Variants in SAMD5 observed in about 807,000 individuals in gnomAD.
SAMD5 encodes the protein sterile alpha motif domain containing 5.
SAMD5 carries 13 observed loss-of-function variants against 11.3 expected under a neutral mutation model. The ratio of observed to expected loss-of-function variants is 1.15; its 90% CI spans 0.75 to 1.83. The LOEUF (loss-of-function observed/expected upper bound fraction) is 1.83. Among genes scored for constraint, SAMD5 ranks in the 40% most tolerant of loss-of-function variants. SAMD5 has a pLI of 0.00. For missense variants in SAMD5, 255 were observed against 239.1 expected (o/e 1.07, Z -0.44); for synonymous variants, 129 against 111.3 (o/e 1.16, Z -1.00).
At chr6:147,709,889 C>T (rs765623781) in intron 1 of SAMD5, among the ~76,000 whole-genome samples, 8 of 152,186 alleles carry the variant, frequency 5.3e-5, no homozygotes, top group Non-Finnish European at 8.8e-5. Flanking sequence ...ACCTCCTCCA[C>T]CATACTTCTA....
the SAMD5 span, among the ~76,000 whole-genome samples, chr6:147,848,843 G>A: frequency 3.1e-3 from 466 of 152,220 alleles, 3 homozygotes; most frequent in African/African-American, 0.01. Flanking sequence ...TAGCCATTTC[G>A]TTTTCATCTA....
chr6:147,680,911 A>G (rs1608532), intron 1 of SAMD5, among the ~76,000 whole-genome samples: 17,454 of 152,090 alleles, frequency 0.11, 1,088 homozygotes, highest in African/African-American at 0.16. Context: ...GTTTCGTTAC[A>G]TAGTTTTGCA....
chr6:147,763,860 G>A, the SAMD5 span, among the ~76,000 whole-genome samples: 1 of 152,202 alleles, frequency 6.6e-6, no homozygotes, highest in Non-Finnish European at 1.5e-5. Flanking sequence ...GGGATTACAG[G>A]CATGAGCCAC....
chr6:147,756,073 C>T, the SAMD5 span, among the ~76,000 whole-genome samples: 1 of 151,784 alleles, frequency 6.6e-6, no homozygotes, highest in Non-Finnish European at 1.5e-5. Context: ...GAATCAAAAA[C>T]CATTTGTAGG....
At chr6:147,663,812 AG>A (rs1195647351) in intron 1 of SAMD5, among the ~76,000 whole-genome samples, 3,081 of 121,404 alleles carry the variant, frequency 0.025, 58 homozygotes, top group Non-Finnish European at 0.042. Context: ...AAAAAAAAAA[AG>A]AGAGAGAAAG....
chr6:147,862,172 A>T, the SAMD5 span, among the ~76,000 whole-genome samples: 1 of 151,958 alleles, frequency 6.6e-6, no homozygotes, highest in Non-Finnish European at 1.5e-5. Flanking sequence ...TTTTAAATAG[A>T]TAATTATTTT....
At chr6:147,648,316 A>C (rs553359195) in intron 1 of SAMD5, among the ~76,000 whole-genome samples, 1 of 151,992 alleles carries the variant, frequency 6.6e-6, no homozygotes, top group South Asian at 2.1e-4. Flanking sequence ...CCAAACACTT[A>C]AAAAACCATC....
chr6:147,533,462 C>CAA (rs57455955), intron 1 of SAMD5, among the ~76,000 whole-genome samples: 105 of 89,446 alleles, frequency 1.2e-3, no homozygotes, highest in Middle Eastern at 6.7e-3. Context: ...AATTCCATCT[C>CAA]AAAAAAAAAA....
chr6:147,899,354 G>T, the SAMD5 span, among the ~76,000 whole-genome samples: 40 of 152,152 alleles, frequency 2.6e-4, no homozygotes, highest in Admixed American at 2.4e-3. Context: ...CTGGAGAGAA[G>T]ATAATTGTCA....
the SAMD5 span, among the ~76,000 whole-genome samples, chr6:147,747,962 C>A: frequency 2.0e-5 from 3 of 152,132 alleles, no homozygotes; most frequent in African/African-American, 7.2e-5. Flanking sequence ...ATATCTCTCC[C>A]TACATGTTGG....
At chr6:147,923,248 C>A in the SAMD5 span, among the ~76,000 whole-genome samples, 2 of 152,142 alleles carry the variant, frequency 1.3e-5, no homozygotes, top group African/African-American at 4.8e-5. Flanking sequence ...GAATATAGTG[C>A]ATTTCTAATT....
At chr6:147,838,396 C>T in the SAMD5 span, among the ~76,000 whole-genome samples, 14 of 152,236 alleles carry the variant, frequency 9.2e-5, 1 homozygote, top group South Asian at 2.9e-3. Context: ...CTGATTCTAC[C>T]TCTGCACAAC....
intron 1 of SAMD5, among the ~76,000 whole-genome samples, chr6:147,614,568 A>G (rs9373527): frequency 0.44 from 67,324 of 151,656 alleles, 15,566 homozygotes; most frequent in African/African-American, 0.53. Flanking sequence ...AAGAAGCCAG[A>G]CACAAAAGAG....
At chr6:147,894,127 T>G in the SAMD5 span, among the ~76,000 whole-genome samples, 1 of 80,780 alleles carries the variant, frequency 1.2e-5, no homozygotes, top group Non-Finnish European at 2.9e-5. Flanking sequence ...TTGTTTTGTA[T>G]TTTTTTTTTT....
At chr6:147,729,816 G>A (rs1231321572) in intron 1 of SAMD5, 8 of 457,144 alleles carry the variant, frequency 1.7e-5, no homozygotes, top group East Asian at 1.4e-4. Flanking sequence ...TGGGCGTGGC[G>A]ACTCATGCCT....
the SAMD5 span, among the ~76,000 whole-genome samples, chr6:147,854,369 G>T: frequency 6.6e-6 from 1 of 152,094 alleles, no homozygotes; most frequent in Admixed American, 6.6e-5. Context: ...CTGGTCACAG[G>T]GACCCACTAT....
chr6:147,777,592 C>T, the SAMD5 span, among the ~76,000 whole-genome samples: 25 of 152,288 alleles, frequency 1.6e-4, no homozygotes, highest in African/African-American at 6.0e-4. Flanking sequence ...AGTACATTCA[C>T]AATGTTGTGT....
chr6:147,878,171 T>G, the SAMD5 span, among the ~76,000 whole-genome samples: 3 of 151,932 alleles, frequency 2.0e-5, no homozygotes, highest in Non-Finnish European at 4.4e-5. Flanking sequence ...AACAAACATT[T>G]TCACAGTTCC....
At chr6:147,820,660 T>C in the SAMD5 span, among the ~76,000 whole-genome samples, 1 of 152,196 alleles carries the variant, frequency 6.6e-6, no homozygotes, top group Admixed American at 6.5e-5. Flanking sequence ...AAAACCAATT[T>C]CCATGTAATC....
Sources: gnomAD v4.1 joint callset for allele counts (sites outside exome capture counted in the v4.1 genomes callset) on GRCh38, gnomAD v4.1.1 for gene constraint, MANE v1.5 for transcripts, NCBI Gene and HGNC (gene_info 2026-07-23, HGNC 2026-07-21) for gene names.